The following MCC variants were observed in gnomAD, a reference collection of about 807,000 sequenced individuals.
MCC encodes the protein colorectal mutant cancer protein.
MCC carries 90 observed loss-of-function variants against 116.2 expected under a neutral mutation model. That is an observed-to-expected ratio of 0.77 (90% CI 0.65 to 0.92). The LOEUF (loss-of-function observed/expected upper bound fraction) is 0.92, where lower values mean the gene tolerates loss of function less well. Among genes scored for constraint, MCC ranks in the 40% least tolerant of loss-of-function variants. MCC has a pLI of 0.00. For synonymous variants in MCC, 578 were observed against 510.5 expected (o/e 1.13, Z -1.78); for missense variants, 1,516 against 1,312.2 (o/e 1.16, Z -2.40).
chr5:113,250,670 T>C (rs1374163804), intron 3 of MCC, among the ~76,000 whole-genome samples: 1 of 152,222 alleles, frequency 6.6e-6, no homozygotes, highest in East Asian at 1.9e-4. Flanking sequence ...GAACTGTTTG[T>C]GTAAGTGGTG....
At chr5:113,132,423 C>CACACATACATATATAT (rs1561384956) in intron 5 of MCC, among the ~76,000 whole-genome samples, 1 of 130,190 alleles carries the variant, frequency 7.7e-6, no homozygotes, top group African/African-American at 3.2e-5. Context: ...TATATACACA[C>CACACATACATATATAT]ATACATATAT....
chr5:113,105,794 A>G (rs1242262171), intron 6 of MCC, among the ~76,000 whole-genome samples: 1 of 152,174 alleles, frequency 6.6e-6, no homozygotes, highest in Non-Finnish European at 1.5e-5. Flanking sequence ...CTAAAAGCGC[A>G]AATCAGAACA....
intron 3 of MCC, among the ~76,000 whole-genome samples, chr5:113,185,739 A>G (rs963113342): frequency 7.9e-5 from 12 of 152,252 alleles, no homozygotes; most frequent in Non-Finnish European, 1.5e-5. Flanking sequence ...AGTGTAGGAA[A>G]GAAATACAGC....
chr5:113,112,984 T>C (rs1449258973), intron 6 of MCC, among the ~76,000 whole-genome samples: 1 of 152,186 alleles, frequency 6.6e-6, no homozygotes, highest in African/African-American at 2.4e-5. Flanking sequence ...GTTAGAGACA[T>C]AAGTCACAGA....
intron 1 of MCC, among the ~76,000 whole-genome samples, chr5:113,411,659 A>G (rs1279259963): frequency 1.3e-5 from 2 of 152,184 alleles, no homozygotes; most frequent in African/African-American, 4.8e-5. Context: ...GATTCATAAA[A>G]ACAGCTAACC....
intron 2 of MCC, among the ~76,000 whole-genome samples, chr5:113,374,211 T>TG (rs35590925): frequency 0.097 from 13,901 of 144,002 alleles, 978 homozygotes; most frequent in Non-Finnish European, 0.12. Flanking sequence ...TACTTTTTTT[T>TG]TTTTTGTTTT....
intron 3 of MCC, among the ~76,000 whole-genome samples, chr5:113,168,213 T>C (rs981188397): frequency 6.6e-6 from 1 of 152,180 alleles, no homozygotes; most frequent in African/African-American, 2.4e-5. Context: ...GAGCTTTATA[T>C]ACACTGTACA....
chr5:113,250,532 C>A (rs1247925888), intron 3 of MCC, among the ~76,000 whole-genome samples: 1 of 151,394 alleles, frequency 6.6e-6, no homozygotes, highest in Non-Finnish European at 1.5e-5. Flanking sequence ...GAGACATGTG[C>A]CTTTATAAAT....
chr5:113,466,000 G>A (rs1018866916), intron 1 of MCC, among the ~76,000 whole-genome samples: 11 of 151,322 alleles, frequency 7.3e-5, no homozygotes, highest in Admixed American at 1.3e-4. Context: ...GCGGTGGCGC[G>A]ATCTCGGCTC....
intron 1 of MCC, among the ~76,000 whole-genome samples, chr5:113,444,030 A>G (rs912931622): frequency 7.7e-6 from 1 of 129,972 alleles, no homozygotes; most frequent in African/African-American, 3.8e-5. Flanking sequence ...TGTTTAGTAG[A>G]GATGGGGTTT....
At position 113,488,268 on chromosome 5, in the gene MCC, G is replaced by C; in HGVS notation, c.147C>G (p.Gly49=). The change falls in exon 1 of 19, where the codon GGC becomes GGG. Residue 49 remains glycine (G), a synonymous_variant. Transcript: ENST00000408903. ...RMRRLFQTCD[G]DGDGYISRND... ...ACCTGCTGATGTATCCGTCCCCGTC[G>C]CCGTCGCACGTCTGGAAGAGGCGCC... 1 of 1,594,932 alleles carries C rather than the reference G, an allele frequency of 6.3e-7. No individual in the cohort carries two copies. The highest frequency in any genetic ancestry group is 8.5e-7 in the Non-Finnish European group (1 of 1,171,544).
chr5:113,033,023 A>G (rs1008257968), intron 17 of MCC, among the ~76,000 whole-genome samples: 4 of 152,226 alleles, frequency 2.6e-5, no homozygotes, highest in African/African-American at 9.6e-5. Flanking sequence ...AGGCTGCTCT[A>G]TGGAGTAGCC....
chr5:113,254,654 C>T (rs1196243260), intron 3 of MCC, among the ~76,000 whole-genome samples: 2 of 152,130 alleles, frequency 1.3e-5, no homozygotes, highest in Non-Finnish European at 2.9e-5. Context: ...CCCAGAACAC[C>T]TCTGTTCAAG....
chr5:113,419,781 A>C (rs1202729747), intron 1 of MCC, among the ~76,000 whole-genome samples: 6 of 149,726 alleles, frequency 4.0e-5, no homozygotes, highest in African/African-American at 1.5e-4. Context: ...ACAAAAAACC[A>C]AACACCGCAT....
In MCC at chr5:113,330,755, C is replaced by T. The variant is rs140696093; in HGVS notation, c.627+9764G>A. The stretch of plus-strand genomic sequence containing the variant: ...TATGGGACCACTGCCCTCTAGTGTA[C>T]TTGAAATTTTTCTAAATCCCTTTAT... On this transcript the variant is annotated intron_variant, in intron 3 of 18. Transcript: ENST00000408903. 4.9e-4 allele frequency among the ~76,000 whole-genome samples: 75 copies of T among 152,274 alleles called. No individual in the cohort carries two copies. The East Asian group carries it at 0.014, about 28-fold the overall frequency.
intron 12 of MCC, among the ~76,000 whole-genome samples, chr5:113,069,363 A>G (rs904842105): frequency 6.6e-6 from 1 of 152,256 alleles, no homozygotes; most frequent in African/African-American, 2.4e-5. Flanking sequence ...AAAATATCAA[A>G]CAACAGTCCC....
chr5:113,099,253 C>T (rs1242130462), intron 8 of MCC, among the ~76,000 whole-genome samples: 2 of 152,088 alleles, frequency 1.3e-5, no homozygotes, highest in East Asian at 1.9e-4. Flanking sequence ...AAAAATTATA[C>T]AAAACTATAC....
chr5:113,464,326 T>G (rs1438816531), intron 1 of MCC, among the ~76,000 whole-genome samples: 1 of 152,210 alleles, frequency 6.6e-6, no homozygotes, highest in Non-Finnish European at 1.5e-5. Context: ...CTACTCTTCT[T>G]TTCTCACTCC....
intron 5 of MCC, among the ~76,000 whole-genome samples, chr5:113,132,407 C>T (rs376350629): frequency 8.8e-4 from 55 of 62,566 alleles, no homozygotes; most frequent in Non-Finnish European, 2.3e-3. Flanking sequence ...TACATACATA[C>T]ATATATATAT....
Sources: allele counts gnomAD v4.1 joint callset (sites outside exome capture counted in the v4.1 genomes callset), GRCh38; gene constraint gnomAD v4.1.1; transcripts MANE v1.5; gene names NCBI Gene and HGNC (gene_info 2026-07-23, HGNC 2026-07-21).